MAGI2: variants seen among roughly 807,000 people sequenced by gnomAD.
MAGI2 encodes the protein membrane-associated guanylate kinase, WW and PDZ domain-containing protein 2.
Under a neutral mutation model 133.3 loss-of-function variants are expected in MAGI2, and 35 were observed. The ratio of observed to expected loss-of-function variants is 0.26; its 90% CI spans 0.20 to 0.35. The LOEUF is 0.35. Among genes scored for constraint, MAGI2 ranks in the 10% least tolerant of loss-of-function variants. The pLI is 1.00. For synonymous variants in MAGI2, 729 were observed against 710.6 expected (o/e 1.03, Z -0.41); for missense variants, 1,636 against 1,863.4 (o/e 0.88, Z 2.25).
At chr7:78,298,367 G>A (rs890592689) in intron 9 of MAGI2, among the ~76,000 whole-genome samples, 5 of 152,008 alleles carry the variant, frequency 3.3e-5, no homozygotes, top group Admixed American at 2.6e-4. Context: ...AAGTATAGAC[G>A]TTCGTTAGTT....
chr7:78,286,239 C>T (rs1176242633), intron 9 of MAGI2, among the ~76,000 whole-genome samples: 2 of 152,024 alleles, frequency 1.3e-5, no homozygotes, highest in African/African-American at 4.8e-5. Context: ...CTCCCTACCC[C>T]CATATTTTGT....
intron 6 of MAGI2, among the ~76,000 whole-genome samples, chr7:78,388,313 T>TCAA (rs1378606651): frequency 6.6e-6 from 1 of 151,776 alleles, no homozygotes; most frequent in African/African-American, 2.4e-5. Flanking sequence ...ATCATCATCA[T>TCAA]CGGTAGTGGT....
intron 7 of MAGI2, among the ~76,000 whole-genome samples, chr7:78,359,794 A>AG (rs2151231050): frequency 6.6e-6 from 1 of 152,354 alleles, no homozygotes; most frequent in Admixed American, 6.5e-5. Flanking sequence ...AGAGGCTTAC[A>AG]GAAAAAAGGC....
chr7:78,663,297 C>A (rs1357444784), intron 2 of MAGI2, among the ~76,000 whole-genome samples: 3 of 151,460 alleles, frequency 2.0e-5, no homozygotes, highest in Non-Finnish European at 4.4e-5. Context: ...ATATCCGCCT[C>A]CCGGGTTCAA....
chr7:78,467,808 A>G (rs914177879), intron 6 of MAGI2, among the ~76,000 whole-genome samples: 7 of 152,168 alleles, frequency 4.6e-5, no homozygotes, highest in Non-Finnish European at 1.0e-4. Context: ...AGACAAAGAA[A>G]GTATGTGAAA....
intron 2 of MAGI2, among the ~76,000 whole-genome samples, chr7:78,766,586 TTTCC>T (rs2151310349): frequency 6.6e-6 from 1 of 152,276 alleles, no homozygotes; most frequent in South Asian, 2.1e-4. Flanking sequence ...GTATTGTTAG[TTTCC>T]TTAAACACTC....
At chr7:79,049,229 T>G (rs1176551484) in intron 1 of MAGI2, among the ~76,000 whole-genome samples, 1 of 152,230 alleles carries the variant, frequency 6.6e-6, no homozygotes, top group Non-Finnish European at 1.5e-5. Flanking sequence ...GTTCAAATTG[T>G]GTATTGTGTC....
At chr7:79,111,828 G>C (rs929678287) in intron 1 of MAGI2, among the ~76,000 whole-genome samples, 2 of 151,974 alleles carry the variant, frequency 1.3e-5, no homozygotes, top group African/African-American at 4.8e-5. Flanking sequence ...CACCATGCCT[G>C]GCTAATTTTT....
intron 11 of MAGI2, among the ~76,000 whole-genome samples, chr7:78,200,704 C>T (rs1829171866): frequency 1.3e-5 from 2 of 152,086 alleles, no homozygotes; most frequent in African/African-American, 2.4e-5. Flanking sequence ...ATGACACATA[C>T]ACACATGTAG....
chr7:78,652,756 A>G (rs1322386517), intron 2 of MAGI2, among the ~76,000 whole-genome samples: 4 of 152,186 alleles, frequency 2.6e-5, no homozygotes, highest in Non-Finnish European at 4.4e-5. Context: ...ACCAAAAGCA[A>G]TAGCAACAAA....
chr7:78,496,413 C>T (rs572002018), intron 5 of MAGI2, among the ~76,000 whole-genome samples: 1 of 152,278 alleles, frequency 6.6e-6, no homozygotes, highest in South Asian at 2.1e-4. Context: ...TTTTGTGTCA[C>T]TAACTAAACT....
At chr7:78,932,216 T>G (rs1454201437) in intron 2 of MAGI2, among the ~76,000 whole-genome samples, 1 of 152,174 alleles carries the variant, frequency 6.6e-6, no homozygotes. Flanking sequence ...AAGACCTATG[T>G]GCATTACTTA....
chr7:79,207,719 T>G (rs977468916), intron 1 of MAGI2, among the ~76,000 whole-genome samples: 3 of 151,578 alleles, frequency 2.0e-5, no homozygotes, highest in Admixed American at 2.0e-4. Flanking sequence ...AACAAAAGAC[T>G]CCAAATAGCC....
intron 1 of MAGI2, among the ~76,000 whole-genome samples, chr7:79,166,680 A>G (rs1824950757): frequency 6.6e-6 from 1 of 152,254 alleles, no homozygotes; most frequent in Non-Finnish European, 1.5e-5. Flanking sequence ...AGGTGGGGGG[A>G]AAAATCCTTA....
At chr7:78,082,680 A>T (rs1016799339) in intron 20 of MAGI2, among the ~76,000 whole-genome samples, 3 of 152,108 alleles carry the variant, frequency 2.0e-5, no homozygotes, top group African/African-American at 7.2e-5. Context: ...CGAGGAAAAA[A>T]CATTTCTAGG....
intron 9 of MAGI2, among the ~76,000 whole-genome samples, chr7:78,304,030 T>C (rs1263596837): frequency 1.3e-5 from 2 of 152,224 alleles, no homozygotes; most frequent in African/African-American, 2.4e-5. Flanking sequence ...ACAGTTGTTC[T>C]GCCTTAAATT....
chr7:78,853,910 T>C (rs538554498), intron 2 of MAGI2, among the ~76,000 whole-genome samples: 1 of 152,022 alleles, frequency 6.6e-6, no homozygotes, highest in East Asian at 2.0e-4. Flanking sequence ...GCAAGATAAG[T>C]GTCCTGATAA....
intron 1 of MAGI2, among the ~76,000 whole-genome samples, chr7:79,136,084 A>AGAAAGAAG (rs1821504826): frequency 1.4e-5 from 2 of 140,974 alleles, no homozygotes; most frequent in African/African-American, 5.7e-5. Context: ...AAAGAAAGAA[A>AGAAAGAAG]GAAAGAAAGA....
intron 21 of MAGI2, among the ~76,000 whole-genome samples, chr7:78,032,009 C>CTT (rs377672697): frequency 0.23 from 28,948 of 123,796 alleles, 4,244 homozygotes; most frequent in East Asian, 0.67. Context: ...AGCCCCCCCA[C>CTT]TTTTTTTTTT....
Sources: gnomAD v4.1 joint callset for allele counts (sites outside exome capture counted in the v4.1 genomes callset) on GRCh38, gnomAD v4.1.1 for gene constraint, MANE v1.5 for transcripts, NCBI Gene and HGNC (gene_info 2026-07-23, HGNC 2026-07-21) for gene names.